The following DUSP16 variants were observed in gnomAD, a reference collection of about 807,000 sequenced individuals.
The protein encoded by DUSP16 is dual specificity phosphatase 16.
Under a neutral mutation model 58.3 loss-of-function variants are expected in DUSP16, and 21 were observed. The ratio of observed to expected loss-of-function variants is 0.36; its 90% confidence interval spans 0.26 to 0.52. The LOEUF is 0.52. Ranked by LOEUF, DUSP16 falls within the 20% of genes least tolerant of loss-of-function variation. The probability of loss-of-function intolerance (pLI) is 0.94; values close to 1 mark genes in which losing one functional copy is unlikely to be tolerated. For synonymous variants in DUSP16, 320 were observed against 323.8 expected, an observed-to-expected ratio of 0.99 and a Z score of 0.12; for missense variants, 726 against 819.0, an observed-to-expected ratio of 0.89 and a Z score of 1.39.
intron 1 of DUSP16, among the ~76,000 whole-genome samples, chr12:12,541,744 A>T (rs1364949748): frequency 6.6e-6 from 1 of 152,230 alleles, no homozygotes; most frequent in African/African-American, 2.4e-5. Flanking sequence ...GTGAGATATA[A>T]CATCCAGATT....
chr12:12,542,977 T>C (rs73063454), intron 1 of DUSP16, among the ~76,000 whole-genome samples: 4 of 152,094 alleles, frequency 2.6e-5, no homozygotes, highest in Non-Finnish European at 5.9e-5. Context: ...CGATGAGAAA[T>C]TGGTACTCTG....
At chr12:12,535,687 T>C (rs1044520448) in intron 1 of DUSP16, among the ~76,000 whole-genome samples, 4 of 152,180 alleles carry the variant, frequency 2.6e-5, no homozygotes, top group African/African-American at 9.7e-5. Context: ...ATGTTGAAAA[T>C]GACATTTTGA....
chr12:12,498,173 C>G (rs1357817718), intron 4 of DUSP16, among the ~76,000 whole-genome samples: 1 of 151,938 alleles, frequency 6.6e-6, no homozygotes, highest in Non-Finnish European at 1.5e-5. Flanking sequence ...CGAAGTTCAG[C>G]AGGATGATAG....
intron 1 of DUSP16, among the ~76,000 whole-genome samples, chr12:12,552,212 G>C (rs181888083): frequency 6.6e-6 from 1 of 151,992 alleles, no homozygotes. Flanking sequence ...TTGGGAGGCC[G>C]AGGCAAGCGG....
chr12:12,515,995 C>T (rs1445317192), intron 3 of DUSP16, among the ~76,000 whole-genome samples: 1 of 151,700 alleles, frequency 6.6e-6, no homozygotes, highest in Non-Finnish European at 1.5e-5. Flanking sequence ...AGGCTGGTCT[C>T]GAACTCCTGA....
In DUSP16 at chr12:12,477,592, C is replaced by A; in HGVS notation, c.1239G>T (p.Met413Ile). Residue 413 changes from methionine to isoleucine, a missense_variant, in exon 7 of 7, where the codon ATG (methionine) becomes ATT (isoleucine). By Grantham distance (10) the Met-to-Ile change is conservative. Coordinates refer to ENST00000298573, the MANE Select transcript of DUSP16 (RefSeq NM_030640.3). The surrounding 1 kb of genome is among the most constrained non-coding windows in gnomAD (Gnocchi z 4.1). ...AGGAGAAGCCATGTAAGGATGCTGC[C>A]ATGCTGGCTGAATATGAAACTGATT... ...DIKSVSYSAS[M>I]AASLHGFSSS... 6.2e-7 allele frequency: 1 copy of A among 1,614,154 alleles called. No individual in the cohort carries two copies. The highest frequency in any genetic ancestry group is 2.2e-5 in the East Asian group (1 of 44,880).
At chr12:12,487,610 G>A (rs1943704350) in intron 4 of DUSP16, among the ~76,000 whole-genome samples, 1 of 152,042 alleles carries the variant, frequency 6.6e-6, no homozygotes, top group African/African-American at 2.4e-5. Flanking sequence ...TACTCTCTTT[G>A]AAGGCTGCAC....
At chr12:12,506,857 A>G (rs1226929278) in intron 3 of DUSP16, among the ~76,000 whole-genome samples, 1 of 152,256 alleles carries the variant, frequency 6.6e-6, no homozygotes, top group African/African-American at 2.4e-5. Flanking sequence ...GCATGTTTAC[A>G]AATAAAAACA....
At chr12:12,558,380 TTA>T (rs57188657) in intron 1 of DUSP16, among the ~76,000 whole-genome samples, 15,899 of 149,066 alleles carry the variant, frequency 0.11, 1,664 homozygotes, top group East Asian at 0.26. Context: ...TCCCTCAAGA[TTA>T]TATGTTTTTT....
In DUSP16 at chr12:12,546,978, A is replaced by C. The variant is rs534019511; in HGVS notation, c.-366+15139T>G. ...CACAATCACATTATTTCTTACCTTT[A>C]ATTAACATCATGATATCATTGTCCA... is the stretch of plus-strand genomic sequence containing the variant. On this transcript the variant is annotated intron_variant, in intron 1 of 6. Transcript: ENST00000298573. 6.0e-4 allele frequency among the ~76,000 whole-genome samples: 92 copies of C among 152,318 alleles called. 2 individuals carry two copies. Among genetic ancestry groups the C allele is most frequent in the African/African-American group, 2.2e-3 (90 of 41,558 alleles).
rs143841139 is a variant in DUSP16 at position 12,556,585 on chromosome 12, A to G, written c.-366+5532T>C. On this transcript the variant is annotated intron_variant, in intron 1 of 6. Transcript: ENST00000298573. ...GACAGACCCCATCTTTAATTAAAAA[A>G]AAAAAAATTAAAAACTGCAAAAAGA... is the stretch of plus-strand genomic sequence containing the variant. 1.9e-3 allele frequency among the ~76,000 whole-genome samples: 289 copies of G among 152,206 alleles called. 1 individual carries two copies. The highest frequency in any genetic ancestry group is 6.6e-3 in the African/African-American group (276 of 41,538).
chr12:12,520,561 G>A (rs1944219047), intron 2 of DUSP16, among the ~76,000 whole-genome samples: 1 of 152,170 alleles, frequency 6.6e-6, no homozygotes, highest in Non-Finnish European at 1.5e-5. Context: ...AACTTGAAAA[G>A]AATGACTTTC....
chr12:12,533,971 A>G (rs1255038018), intron 1 of DUSP16, among the ~76,000 whole-genome samples: 1 of 152,242 alleles, frequency 6.6e-6, no homozygotes, highest in Non-Finnish European at 1.5e-5. Flanking sequence ...CTTATCATTA[A>G]GCAGTCATAT....
chr12:12,528,928 G>C (rs529022573), intron 1 of DUSP16, among the ~76,000 whole-genome samples: 1 of 150,978 alleles, frequency 6.6e-6, no homozygotes, highest in African/African-American at 2.4e-5. Context: ...AGAGAGGAGA[G>C]TGGTAAGAGA....
At chr12:12,497,863 G>A (rs915858139) in intron 4 of DUSP16, among the ~76,000 whole-genome samples, 10 of 151,980 alleles carry the variant, frequency 6.6e-5, no homozygotes, top group South Asian at 2.1e-4. Flanking sequence ...TCAGCTACTC[G>A]GGAGGCTGAG....
At chr12:12,531,682 C>T (rs1273327596) in intron 1 of DUSP16, among the ~76,000 whole-genome samples, 1 of 152,096 alleles carries the variant, frequency 6.6e-6, no homozygotes, top group East Asian at 1.9e-4. Context: ...ACCAGTCTGG[C>T]CAACAGGGCG....
intron 1 of DUSP16, among the ~76,000 whole-genome samples, chr12:12,533,339 T>C (rs1171625278): frequency 6.6e-6 from 1 of 152,204 alleles, no homozygotes; most frequent in African/African-American, 2.4e-5. Context: ...AAAGTGCAAA[T>C]TCCTCTAACA....
At chr12:12,505,845 CA>C (rs1943987380) in intron 3 of DUSP16, among the ~76,000 whole-genome samples, 1 of 152,190 alleles carries the variant, frequency 6.6e-6, no homozygotes, top group Non-Finnish European at 1.5e-5. Context: ...CTCTTTTTCA[CA>C]AATCTTTCTC....
rs10845555 is a variant in DUSP16, at chr12:12,480,353, A to G, written c.692-7T>C. 82,756 of 1,611,552 alleles carry G rather than the reference A, an allele frequency of 0.051. 7,428 individuals carry two copies. Among genetic ancestry groups the G allele is most frequent in the East Asian group, 0.39 (17,299 of 44,852 alleles). On this transcript the variant is annotated splice_polypyrimidine_tract_variant and splice_region_variant and intron_variant, in intron 5 of 6. Transcript: ENST00000298573. Reference sequence around the variant, plus strand: ...TTGGAGGCTTTTGCTTTCTCTGTATAAGTCAAATGCAAGAAAGGTCACTAC... The same window carrying G: ...TTGGAGGCTTTTGCTTTCTCTGTATGAGTCAAATGCAAGAAAGGTCACTAC...
Sources: gnomAD v4.1 joint callset for allele counts (sites outside exome capture counted in the v4.1 genomes callset) on GRCh38, gnomAD v4.1.1 for gene constraint, Gnocchi (gnomAD v3.1) non-coding constraint, MANE v1.5 for transcripts, NCBI Gene and HGNC (gene_info 2026-07-23, HGNC 2026-07-21) for gene names.